Variants in FLRT1 observed in about 807,000 individuals in gnomAD.
FLRT1 encodes fibronectin leucine rich transmembrane protein 1.
In FLRT1, 14 loss-of-function variants were observed where a neutral mutation model predicts 30.9. The ratio of observed to expected loss-of-function variants is 0.45; its 90% CI spans 0.30 to 0.71. The LOEUF (loss-of-function observed/expected upper bound fraction) is 0.71, where lower values mean the gene tolerates loss of function less well. Among genes scored for constraint, FLRT1 ranks in the 30% least tolerant of loss-of-function variants. FLRT1 has a pLI of 0.08. For synonymous variants in FLRT1, 368 were observed against 430.4 expected (o/e 0.85, Z 1.80); for missense variants, 737 against 949.2 (o/e 0.78, Z 2.94).
intron 1 of FLRT1, among the ~76,000 whole-genome samples, chr11:64,055,731 G>A (rs1409860252): frequency 6.6e-6 from 1 of 152,228 alleles, no homozygotes; most frequent in East Asian, 1.9e-4. Context: ...GGCCATGGGA[G>A]GGAGTGGCAG....
Position 64,116,326 on chromosome 11 carries a change from C to CAT in FLRT1, c.59_60insAT (p.Thr21SerfsTer4). On this transcript the variant is annotated frameshift_variant, in exon 3 of 3. Transcript: ENST00000682287. LOFTEE classifies it high-confidence loss of function. The stretch of plus-strand genomic sequence containing the variant: ...ACCACGCCCACTGCCACTGTCACGG[C>CAT]CACCGTTGTGATGACCACGGCCACC... 6.2e-7 allele frequency: 1 copy of CAT among 1,610,334 alleles called. No individual in the cohort carries two copies.
At chr11:64,112,482 C>T (rs1944880516) in intron 2 of FLRT1, among the ~76,000 whole-genome samples, 1 of 152,186 alleles carries the variant, frequency 6.6e-6, no homozygotes, top group South Asian at 2.1e-4. Context: ...CCACTGCACT[C>T]CCACCTGGTG....
At position 64,036,813 on chromosome 11, in the gene FLRT1, C is replaced by A. The variant is rs1251915171; in HGVS notation, c.-1038+654C>A. The stretch of plus-strand genomic sequence containing the variant: ...TGCCTGGGCGGGGGGCGGCGGGCAC[C>A]CCCCATCCCCCAGCTCTCAAGACAA... On this transcript the variant is annotated intron_variant, in intron 1 of 2. Coordinates refer to ENST00000682287, the MANE Select transcript of FLRT1 (RefSeq NM_013280.5). The surrounding 1 kb of genome is among the most constrained non-coding windows in gnomAD (Gnocchi z 5.6). 6.6e-6 allele frequency among the ~76,000 whole-genome samples: 1 copy of A among 152,140 alleles called. No individual in the cohort carries two copies. The highest frequency in any genetic ancestry group is 2.4e-5 in the African/African-American group (1 of 41,424).
chr11:64,091,219 C>T (rs960666848), intron 1 of FLRT1, among the ~76,000 whole-genome samples: 3 of 152,018 alleles, frequency 2.0e-5, no homozygotes, highest in Admixed American at 2.0e-4. Context: ...GTGGCAGCCT[C>T]CGCTGCAGGG....
intron 1 of FLRT1, among the ~76,000 whole-genome samples, chr11:64,054,565 C>G (rs2134420404): frequency 6.6e-6 from 1 of 152,284 alleles, no homozygotes; most frequent in Middle Eastern, 3.4e-3. Flanking sequence ...AGCCAGCCAG[C>G]AGGCCCCAGG....
chr11:64,084,368 C>T (rs1325077710), intron 1 of FLRT1, among the ~76,000 whole-genome samples: 1 of 152,150 alleles, frequency 6.6e-6, no homozygotes, highest in African/African-American at 2.4e-5. Context: ...GCTCTGCCCA[C>T]GTGCATTTCC....
intron 1 of FLRT1, among the ~76,000 whole-genome samples, chr11:64,063,455 G>A (rs2134443551): frequency 6.6e-6 from 1 of 152,224 alleles, no homozygotes; most frequent in Non-Finnish European, 1.5e-5. Flanking sequence ...GTGGCGAATT[G>A]TGCTTTTCTT....
intron 1 of FLRT1, among the ~76,000 whole-genome samples, chr11:64,075,904 CCTCAAGTGATCCACCCGCCTCGGCTT>C (rs1944191526): frequency 6.6e-6 from 1 of 152,234 alleles, no homozygotes; most frequent in Non-Finnish European, 1.5e-5. Context: ...AAACTCCTGA[CCTCAAGTGATCCACCCGCCTCGGCTT>C]CCCAAAGTGT....
chr11:64,040,162 T>C (rs1015840077), intron 1 of FLRT1, among the ~76,000 whole-genome samples: 12 of 152,194 alleles, frequency 7.9e-5, no homozygotes, highest in African/African-American at 2.9e-4. Context: ...TCCAGTCAGA[T>C]GTGGTGTCAG....
chr11:64,096,329 C>T lies in FLRT1; in HGVS notation c.-1037-6865C>T, dbSNP rs951322606. On this transcript the variant is annotated intron_variant, in intron 1 of 2. Coordinates refer to ENST00000682287, the MANE Select transcript of FLRT1 (RefSeq NM_013280.5). This position sits in a 1 kb window ranked among gnomAD's most constrained non-coding sequence, Gnocchi z 4.6. ...TTCATCACCCCGAGCTTCCTCTAGG[C>T]TGGACACGGTCCCTAATGGGCACGG... Among the ~76,000 whole-genome samples, 5 of 152,176 alleles carry T rather than the reference C, an allele frequency of 3.3e-5. No homozygotes were observed. Among genetic ancestry groups the T allele is most frequent in the Non-Finnish European group, 7.3e-5 (5 of 68,032 alleles).
rs1372370736 is a variant in FLRT1, at chr11:64,117,649, C to T, written c.1382C>T (p.Ala461Val). 66 of 1,613,654 alleles carry T rather than the reference C, an allele frequency of 4.1e-5. No homozygotes were observed. Among genetic ancestry groups the T allele is most frequent in the Non-Finnish European group, 5.3e-5 (63 of 1,180,048 alleles). Residue 461 changes from alanine (A) to valine (V), a missense_variant, in exon 3 of 3, where the codon GCC becomes GTC. Ala to Val is a moderately conservative substitution (Grantham distance 64). Coordinates refer to ENST00000682287, the MANE Select transcript of FLRT1 (RefSeq NM_013280.5). The stretch of plus-strand genomic sequence containing the variant: ...ATCACGTGGAAGGCCACGCTCCCCG[C>T]CTCCTCTTTCCGGCTCAGTTGGCTG... ...IRITWKATLP[A>V]SSFRLSWLRL... is the part of the protein sequence containing the mutation.
In FLRT1 at chr11:64,036,432, C is replaced by G. The variant is rs1215528910; in HGVS notation, c.-1038+273C>G. On this transcript the variant is annotated intron_variant, in intron 1 of 2. Coordinates refer to ENST00000682287, the MANE Select transcript of FLRT1 (RefSeq NM_013280.5). This position sits in a 1 kb window ranked among gnomAD's most constrained non-coding sequence, Gnocchi z 5.6. Reference sequence around the variant, plus strand: ...GGCCGGCGGCTCAGCTCTCCCGAGCCGAGGCTGGAAAGGGCGGGGGCTCAG... The same window carrying G: ...GGCCGGCGGCTCAGCTCTCCCGAGCGGAGGCTGGAAAGGGCGGGGGCTCAG... Among the ~76,000 whole-genome samples the G allele has an allele frequency of 6.6e-6, 1 of 152,122 alleles. No homozygotes were observed. The highest frequency in any genetic ancestry group is 1.5e-5 in the Non-Finnish European group (1 of 67,998).
At chr11:64,105,273 A>C (rs1944739918) in intron 2 of FLRT1, among the ~76,000 whole-genome samples, 1 of 151,998 alleles carries the variant, frequency 6.6e-6, no homozygotes, top group African/African-American at 2.4e-5. Context: ...TCTAGTCCCT[A>C]GGAGGGCTCG....
intron 1 of FLRT1, among the ~76,000 whole-genome samples, chr11:64,083,412 G>A (rs1944336981): frequency 6.6e-6 from 1 of 152,172 alleles, no homozygotes; most frequent in South Asian, 2.1e-4. Flanking sequence ...CTCCAGCCTG[G>A]CAACACTGCC....
chr11:64,049,425 G>T (rs1024413962), intron 1 of FLRT1, among the ~76,000 whole-genome samples: 6 of 152,176 alleles, frequency 3.9e-5, no homozygotes, highest in African/African-American at 1.4e-4. Flanking sequence ...TGTGCGCTGG[G>T]CCCAGTTCTG....
intron 1 of FLRT1, among the ~76,000 whole-genome samples, chr11:64,081,501 G>A (rs1040928392): frequency 8.5e-5 from 13 of 152,132 alleles, no homozygotes; most frequent in African/African-American, 1.9e-4. Flanking sequence ...TGCCTGGTAC[G>A]TGGGGTTCAG....
rs563903794 is a variant in FLRT1, at chr11:64,096,501, C to A, written c.-1037-6693C>A. On this transcript the variant is annotated intron_variant, in intron 1 of 2. Transcript: ENST00000682287. The surrounding 1 kb of genome is among the most constrained non-coding windows in gnomAD (Gnocchi z 4.6). Reference sequence around the variant, plus strand: ...TATGATCTCGGCTCACTGCAACCTCCGCCTTCCGGGTTCAAGCAATTCTCT... The same window carrying A: ...TATGATCTCGGCTCACTGCAACCTCAGCCTTCCGGGTTCAAGCAATTCTCT... Among the ~76,000 whole-genome samples the A allele has an allele frequency of 6.6e-6, 1 of 151,794 alleles. No homozygotes were observed. The highest frequency in any genetic ancestry group is 1.5e-5 in the Non-Finnish European group (1 of 67,934).
chr11:64,042,140 C>T (rs1036062307), intron 1 of FLRT1, among the ~76,000 whole-genome samples: 3 of 152,150 alleles, frequency 2.0e-5, no homozygotes, highest in Non-Finnish European at 2.9e-5. Context: ...ATGTGCACCA[C>T]GCTCACACCT....
chr11:64,066,097 G>C (rs1944000475), intron 1 of FLRT1, among the ~76,000 whole-genome samples: 1 of 152,032 alleles, frequency 6.6e-6, no homozygotes, highest in Non-Finnish European at 1.5e-5. Flanking sequence ...AGGAGCTCAA[G>C]AGCAGCTTGG....
Sources: allele counts gnomAD v4.1 joint callset (sites outside exome capture counted in the v4.1 genomes callset), GRCh38; gene constraint gnomAD v4.1.1; non-coding constraint Gnocchi (gnomAD v3.1); transcripts MANE v1.5; gene names NCBI Gene and HGNC (gene_info 2026-07-23, HGNC 2026-07-21).